The following PLCH2 variants were observed in gnomAD, a reference collection of about 807,000 sequenced individuals.
PLCH2 encodes 1-phosphatidylinositol 4,5-bisphosphate phosphodiesterase eta-2.
PLCH2 carries 98 observed loss-of-function variants against 134.7 expected under a neutral mutation model. That is an observed-to-expected ratio of 0.73 (90% CI 0.62 to 0.86). PLCH2 has a LOEUF of 0.86. PLCH2 is among the 40% of genes least tolerant of loss of function. The pLI is 0.00. For missense variants in PLCH2, 1,994 were observed against 1,986.6 expected, an observed-to-expected ratio of 1.00 and a Z score of -0.07; for synonymous variants, 974 against 827.5, an observed-to-expected ratio of 1.18 and a Z score of -3.04.
chr1:2,485,946 G>A (rs1305686228), intron 5 of PLCH2, among the ~76,000 whole-genome samples: 2 of 152,156 alleles, frequency 1.3e-5, no homozygotes, highest in Non-Finnish European at 2.9e-5. Context: ...GCTCCATCCC[G>A]TGGCAGCCGC....
At chr1:2,496,298 G>A (rs948101587) in intron 13 of PLCH2, among the ~76,000 whole-genome samples, 13 of 152,248 alleles carry the variant, frequency 8.5e-5, no homozygotes, top group Non-Finnish European at 1.8e-4. Context: ...CCCAGGCCCC[G>A]AGCCCAGCTC....
chr1:2,464,673 G>C (rs920847440), upstream of PLCH2, among the ~76,000 whole-genome samples: 1 of 152,220 alleles, frequency 6.6e-6, no homozygotes, highest in Admixed American at 6.5e-5. Context: ...GCCGGGGCCT[G>C]GGCTCTGTCC....
chr1:2,437,264 C>G (rs548404930), intron 2 of PLCH2, among the ~76,000 whole-genome samples: 1 of 152,260 alleles, frequency 6.6e-6, no homozygotes, highest in East Asian at 1.9e-4. Flanking sequence ...CTGCGAGCCC[C>G]TCTTCTCTGA....
Position 2,487,618 on chromosome 1 carries a change from G to T in PLCH2, c.1135G>T (p.Asp379Tyr), listed in dbSNP as rs370532898. 2 of 1,613,114 alleles carry T rather than the reference G, an allele frequency of 1.2e-6. No homozygotes were observed. The highest frequency in any genetic ancestry group is 4.5e-5 in the East Asian group (2 of 44,892). Residue 379 changes from aspartate (D) to tyrosine (Y), a missense_variant, in exon 8 of 22, where the codon GAC becomes TAC. By Grantham distance (160) the Asp-to-Tyr change is radical. Around this residue, in one of 2 missense-constraint regions of PLCH2, gnomAD observed 1,094 missense variants for 1,234.3 expected, o/e 0.89. Coordinates refer to ENST00000378486, the MANE Select transcript of PLCH2 (RefSeq NM_014638.4). ...CVEVDCWDGP[D>Y]GEPIVHHGYT... ...TGCAGTGGACTGCTGGGATGGGCCC[G>T]ACGGGGAGCCCATTGTGCACCATGG...
In PLCH2 at chr1:2,489,354, G is replaced by A. The variant is rs1345899589; in HGVS notation, c.1383G>A (p.Met461Ile). 6.2e-7 allele frequency: 1 copy of A among 1,613,640 alleles called. No homozygotes were observed. Among genetic ancestry groups the A allele is most frequent in the Non-Finnish European group, 8.5e-7 (1 of 1,179,886 alleles). The change falls in exon 9 of 22, where the codon ATG becomes ATA. Residue 461 changes from methionine to isoleucine, a missense_variant. Transcript: ENST00000378486. The stretch of plus-strand genomic sequence containing the variant: ...CCACCACACTCCCCTCTCCACAGAT[G>A]CTCAAGGGCAAGATCCTCGTGAAGG... ...EDATTLPSPQMLKGKILVKGK... is the reference protein window; with the variant it reads ...EDATTLPSPQILKGKILVKGK...
intron 4 of PLCH2, among the ~76,000 whole-genome samples, chr1:2,481,136 G>A (rs961667831): frequency 6.6e-6 from 1 of 152,244 alleles, no homozygotes; most frequent in Non-Finnish European, 1.5e-5. Context: ...TGACAGCTCC[G>A]CCGTGTCCAG....
At chr1:2,418,343 C>G in the PLCH2 span, among the ~76,000 whole-genome samples, 1 of 152,196 alleles carries the variant, frequency 6.6e-6, no homozygotes, top group Non-Finnish European at 1.5e-5. Flanking sequence ...TTTTAGTTAT[C>G]AAAGCTGGCT....
At chr1:2,425,967 C>T (rs1008114219), upstream of PLCH2, 1 of 152,296 alleles carries the variant, frequency 6.6e-6, no homozygotes. Context: ...CGAGAGCCTC[C>T]TCCCAGGAAA....
intron 2 of PLCH2, among the ~76,000 whole-genome samples, chr1:2,442,393 G>C (rs1347316669): frequency 6.6e-6 from 1 of 152,124 alleles, no homozygotes; most frequent in East Asian, 1.9e-4. Context: ...TAGAAACTCC[G>C]GCAACACTGG....
At chr1:2,458,185 C>G (rs146908130) in intron 2 of PLCH2, among the ~76,000 whole-genome samples, 1 of 152,158 alleles carries the variant, frequency 6.6e-6, no homozygotes, top group African/African-American at 2.4e-5. Flanking sequence ...GGCAGGACAC[C>G]GGGCTGCCTG....
At chr1:2,434,113 G>A (rs571968103) in intron 2 of PLCH2, among the ~76,000 whole-genome samples, 1 of 152,374 alleles carries the variant, frequency 6.6e-6, no homozygotes, top group South Asian at 2.1e-4. Flanking sequence ...GTCTCCCTGG[G>A]TGGCGTTTGA....
intron 11 of PLCH2, chr1:2,494,553 C>T (rs2477703): frequency 0.77 from 382,312 of 499,210 alleles, 148,165 homozygotes; most frequent in East Asian, 0.98. Context: ...CAGAACTTAA[C>T]GAGTTTAAAA....
At chr1:2,457,405 A>C (rs1012500081) in intron 2 of PLCH2, among the ~76,000 whole-genome samples, 19 of 152,112 alleles carry the variant, frequency 1.2e-4, no homozygotes, top group Non-Finnish European at 7.4e-5. Flanking sequence ...CGTGATCACA[A>C]GGGGCTGAGT....
Position 2,455,869 on chromosome 1 carries a change from C to T in PLCH2, c.116-22607C>T, listed in dbSNP as rs779371355. On this transcript the variant is annotated intron_variant, in intron 2 of 3. Transcript: ENST00000609981. ...ACCCTCCATACCTGTTGAGCCGTGCCGTGGGTGGAGGTGAGCATCCCGCGG... is the reference window on the plus strand; with the variant it reads ...ACCCTCCATACCTGTTGAGCCGTGCTGTGGGTGGAGGTGAGCATCCCGCGG... Among the ~76,000 whole-genome samples, 226 of 152,292 alleles carry T rather than the reference C, an allele frequency of 1.5e-3. 1 individual carries two copies. The highest frequency in any genetic ancestry group is 1.5e-3 in the Non-Finnish European group (102 of 68,000).
chr1:2,497,796 C>T lies in PLCH2; in HGVS notation c.2224+187C>T, dbSNP rs1570478045. The T allele has an allele frequency of 5.5e-6, 3 of 543,356 alleles. No individual in the cohort carries two copies. The East Asian group carries it at 8.6e-5, about 16-fold the overall frequency. 33.7% of individuals were successfully genotyped at this position (543,356 alleles called of 1,614,324 possible). On this transcript the variant is annotated intron_variant, in intron 16 of 21. Coordinates refer to ENST00000378486, the MANE Select transcript of PLCH2 (RefSeq NM_014638.4). ...TGGGGAGGTGGGTGGGGGAACCCTC[C>T]TTGCTAGCGTTGCAAAGAAGGGCCC...
chr1:2,475,246 C>G (rs1239346917), upstream of PLCH2, among the ~76,000 whole-genome samples: 1 of 152,216 alleles, frequency 6.6e-6, no homozygotes, highest in East Asian at 1.9e-4. Context: ...GTCCTGGGCT[C>G]TGCAGGCCAA....
intron 10 of PLCH2, among the ~76,000 whole-genome samples, chr1:2,490,938 G>A (rs1362953219): frequency 2.0e-5 from 3 of 152,250 alleles, no homozygotes; most frequent in Non-Finnish European, 4.4e-5. Context: ...GCCTGCTGGC[G>A]CACTGACCTC....
rs1429098412 is a variant in PLCH2 at position 2,459,410 on chromosome 1, T to C, written c.116-19066T>C. Among the ~76,000 whole-genome samples the C allele has an allele frequency of 7.0e-5, 7 of 99,472 alleles. 1 individual carries two copies. Among genetic ancestry groups the C allele is most frequent in the South Asian group, 3.9e-4 (1 of 2,552 alleles). 65.3% of individuals were successfully genotyped at this position (99,472 alleles called of 152,430 possible). A position where few individuals can be genotyped will look rare whatever the true frequency, so the allele number is the denominator to read the frequency against. ...CCTCCTTCCTGGTGGTTCTCCTTCC[T>C]GGTGGTCCTCCTTGCCGGTGGTCCT... On this transcript the variant is annotated intron_variant, in intron 2 of 3. Coordinates refer to the PLCH2 transcript ENST00000609981.
chr1:2,491,730 G>A (rs796432593), intron 11 of PLCH2, among the ~76,000 whole-genome samples: 19 of 152,362 alleles, frequency 1.2e-4, no homozygotes, highest in African/African-American at 4.6e-4. Flanking sequence ...GGGTCCTGCG[G>A]TCACAGAGCC....
Sources: gnomAD v4.1 joint callset for allele counts (sites outside exome capture counted in the v4.1 genomes callset) on GRCh38, gnomAD v4.1.1 for gene constraint, gnomAD v4.1.1 regional missense constraint, MANE v1.5 for transcripts, NCBI Gene and HGNC (gene_info 2026-07-23, HGNC 2026-07-21) for gene names.